PARP11: variants seen among roughly 807,000 people sequenced by gnomAD.
The protein encoded by PARP11 is protein mono-ADP-ribosyltransferase PARP11.
PARP11 carries 31 observed loss-of-function variants against 42.9 expected under a neutral mutation model. The observed-to-expected ratio is 0.72, with a 90% CI of 0.54 to 0.98. The LOEUF is 0.98. Ranked by LOEUF, PARP11 falls within the 50% of genes least tolerant of loss-of-function variation. The pLI, the probability that PARP11 is intolerant of heterozygous loss-of-function variation, is 0.00. For missense variants in PARP11, 365 were observed against 413.1 expected (o/e 0.88, Z 1.01); for synonymous variants, 137 against 127.3 (o/e 1.08, Z -0.51).
At position 3,849,714 on chromosome 12, in the gene PARP11, A is replaced by T. The variant is rs371474164; in HGVS notation, c.19-19696T>A. Among the ~76,000 whole-genome samples, 12 of 152,322 alleles carry T rather than the reference A, an allele frequency of 7.9e-5. No homozygotes were observed. In the East Asian group the frequency reaches 1.9e-3, roughly 24 times the overall value. On this transcript the variant is annotated intron_variant, in intron 1 of 7. Coordinates refer to ENST00000228820, the MANE Select transcript of PARP11 (RefSeq NM_020367.6). ...TGGGTATAAATATACAGTTAGATAT[A>T]AGAAATAAGACCTAGAAGTGATAAG...
At chr12:3,849,960 TTTTTAAATATGTATTTAA>T (rs570729478) in intron 1 of PARP11, among the ~76,000 whole-genome samples, 1,751 of 152,212 alleles carry the variant, frequency 0.012, 14 homozygotes, top group Middle Eastern at 0.02. Flanking sequence ...ATGTATCAAC[TTTTTAAATATGTATTTAA>T]TTTTAAATAT....
intron 7 of PARP11, among the ~76,000 whole-genome samples, chr12:3,812,955 A>G (rs1375078192): frequency 6.6e-6 from 1 of 151,052 alleles, no homozygotes; most frequent in African/African-American, 2.4e-5. Flanking sequence ...GGCGCGTGCC[A>G]CCACACCCAA....
chr12:3,859,007 G>C (rs1419607771), intron 1 of PARP11, among the ~76,000 whole-genome samples: 1 of 151,434 alleles, frequency 6.6e-6, no homozygotes, highest in Non-Finnish European at 1.5e-5. Context: ...TGAGGCAGGA[G>C]GATCATTTGA....
intron 1 of PARP11, among the ~76,000 whole-genome samples, chr12:3,848,110 T>C (rs955369327): frequency 2.0e-5 from 3 of 151,984 alleles, no homozygotes; most frequent in African/African-American, 7.2e-5. Context: ...TTAACTAAAA[T>C]GAAAGATCTA....
rs747414834 is a variant in PARP11, at chr12:3,829,934, C to G, written c.103G>C (p.Gly35Arg). ...CCACATTCTGCCAAGTAAAACCAGC[C>G]CCACTGGGTATCTGACGTGTCCATG... The part of the protein sequence containing the change: ...DDMDTSDTQW[G>R]WFYLAECGKW... Residue 35 changes from glycine to arginine, a missense_variant, in exon 2 of 8, where the codon GGC becomes CGC. Coordinates refer to ENST00000228820, the MANE Select transcript of PARP11 (RefSeq NM_020367.6). 6.2e-7 allele frequency: 1 copy of G among 1,613,764 alleles called. No homozygotes were observed. Among genetic ancestry groups the G allele is most frequent in the African/African-American group, 1.3e-5 (1 of 74,896 alleles).
intron 1 of PARP11, among the ~76,000 whole-genome samples, chr12:3,866,051 A>T: frequency 6.6e-6 from 1 of 151,586 alleles, no homozygotes; most frequent in African/African-American, 2.4e-5. Context: ...GCTAACACCC[A>T]CTCCAATTTA....
intron 6 of PARP11, chr12:3,814,862 C>T (rs1041085468): frequency 3.5e-6 from 1 of 282,258 alleles, no homozygotes; most frequent in Non-Finnish European, 7.1e-6. Flanking sequence ...CATAGTAAAT[C>T]TTAAAAAATA....
chr12:3,841,748 C>T lies in PARP11; in HGVS notation c.19-11730G>A, dbSNP rs567343632. 1.8e-5 allele frequency: 29 copies of T among 1,613,010 alleles called. No individual in the cohort carries two copies. The South Asian group carries it at 2.2e-4, about 12-fold the overall frequency. ...GTTCCTATTGCACCTCCTTTCTTTC[C>T]TCATGTTTGGCATGGGTACCCTTTT... On this transcript the variant is annotated intron_variant, in intron 1 of 7. Coordinates refer to ENST00000228820, the MANE Select transcript of PARP11 (RefSeq NM_020367.6).
chr12:3,824,287 A>T (rs1017964682), intron 4 of PARP11, among the ~76,000 whole-genome samples: 2 of 152,242 alleles, frequency 1.3e-5, no homozygotes, highest in African/African-American at 2.4e-5. Flanking sequence ...GAGTCCTAAA[A>T]GTACTTCATA....
At position 3,840,053 on chromosome 12, in the gene PARP11, T is replaced by G; in HGVS notation, c.19-10035A>C. 1 of 1,609,644 alleles carries G rather than the reference T, an allele frequency of 6.2e-7. No homozygotes were observed. The highest frequency in any genetic ancestry group is 1.1e-5 in the South Asian group (1 of 91,014). On this transcript the variant is annotated intron_variant, in intron 1 of 7. Transcript: ENST00000228820. The surrounding 1 kb of genome is among the most constrained non-coding windows in gnomAD (Gnocchi z 4.4). Reference sequence around the variant, plus strand: ...TTGGCTAGAAAGGTTCTTAAGTCACTCAATCCTGCAGTCTATAGAAATGTG... The same window carrying G: ...TTGGCTAGAAAGGTTCTTAAGTCACGCAATCCTGCAGTCTATAGAAATGTG...
At chr12:3,858,339 G>GA (rs566896167) in intron 1 of PARP11, among the ~76,000 whole-genome samples, 4 of 152,180 alleles carry the variant, frequency 2.6e-5, no homozygotes, top group Non-Finnish European at 5.9e-5. Context: ...ACCATGCAGA[G>GA]AAAGTGGCTG....
intron 1 of PARP11, among the ~76,000 whole-genome samples, chr12:3,843,648 C>T (rs866203180): frequency 6.6e-6 from 1 of 152,316 alleles, no homozygotes; most frequent in African/African-American, 2.4e-5. Context: ...AGGTAGGTAA[C>T]ATCTTCCATT....
Position 3,840,264 on chromosome 12 carries a change from A to G in PARP11, c.19-10246T>C. 1 of 1,613,790 alleles carries G rather than the reference A, an allele frequency of 6.2e-7. No homozygotes were observed. The highest frequency in any genetic ancestry group is 8.5e-7 in the Non-Finnish European group (1 of 1,179,634). On this transcript the variant is annotated intron_variant, in intron 1 of 7. Coordinates refer to ENST00000228820, the MANE Select transcript of PARP11 (RefSeq NM_020367.6). The surrounding 1 kb of genome is among the most constrained non-coding windows in gnomAD (Gnocchi z 4.4). The stretch of plus-strand genomic sequence containing the variant: ...GACCAGTTTTGGTTGAAGAACTGGG[A>G]AAGTACACATCAAAGAACCTCAAGG...
chr12:3,825,297 C>T (rs769205328), intron 4 of PARP11, among the ~76,000 whole-genome samples: 1 of 152,220 alleles, frequency 6.6e-6, no homozygotes, highest in East Asian at 1.9e-4. Flanking sequence ...CTTCTTATGG[C>T]CAGAGCAAGC....
intron 1 of PARP11, among the ~76,000 whole-genome samples, chr12:3,839,245 G>A (rs921554565): frequency 6.6e-6 from 1 of 150,808 alleles, no homozygotes; most frequent in Admixed American, 6.6e-5. Flanking sequence ...TCGAGCAGCC[G>A]GCGGCCTGGC....
intron 1 of PARP11, among the ~76,000 whole-genome samples, chr12:3,833,145 G>C (rs903194604): frequency 2.6e-5 from 4 of 152,166 alleles, no homozygotes; most frequent in African/African-American, 9.7e-5. Context: ...TATTTTGTTA[G>C]CATGAGTATA....
Position 3,864,905 on chromosome 12 carries a change from C to A in PARP11, c.18+8307G>T, listed in dbSNP as rs538379425. Among the ~76,000 whole-genome samples the A allele has an allele frequency of 9.2e-5, 14 of 152,256 alleles. No homozygotes were observed. The South Asian group carries it at 2.3e-3, about 25-fold the overall frequency. ...GTTTTCTGTTGTAGTGATTTCCACT[C>A]TAACCTTTATTTCCTTGCTCCTGTT... On this transcript the variant is annotated intron_variant, in intron 1 of 7. Coordinates refer to ENST00000228820, the MANE Select transcript of PARP11 (RefSeq NM_020367.6).
chr12:3,849,250 A>G (rs993730854), intron 1 of PARP11, among the ~76,000 whole-genome samples: 1 of 151,468 alleles, frequency 6.6e-6, no homozygotes, highest in Non-Finnish European at 1.5e-5. Flanking sequence ...AAAATTATGG[A>G]GGTACCTCAA....
chr12:3,837,781 CAA>C (rs1038730214), intron 1 of PARP11, among the ~76,000 whole-genome samples: 4 of 151,178 alleles, frequency 2.6e-5, no homozygotes, highest in African/African-American at 9.7e-5. Flanking sequence ...AATTGGAAAA[CAA>C]AGAAGAGCAA....
Sources: allele counts gnomAD v4.1 joint callset (sites outside exome capture counted in the v4.1 genomes callset), GRCh38; gene constraint gnomAD v4.1.1; non-coding constraint Gnocchi (gnomAD v3.1); transcripts MANE v1.5; gene names NCBI Gene and HGNC (gene_info 2026-07-23, HGNC 2026-07-21).